Variants in FDFT1 observed in about 807,000 individuals in gnomAD.
The protein encoded by FDFT1 is farnesyl-diphosphate farnesyltransferase 1, also known as squalene synthase.
Under a neutral mutation model 46.8 loss-of-function variants are expected in FDFT1, and 68 were observed. The ratio of observed to expected loss-of-function variants is 1.45; its 90% CI spans 1.19 to 1.78. FDFT1 has a LOEUF of 1.78. FDFT1 is among the 40% of genes most tolerant of loss of function. The probability of loss-of-function intolerance (pLI) is 0.00; values close to 1 mark genes in which losing one functional copy is unlikely to be tolerated. For missense variants in FDFT1, 928 were observed against 524.4 expected (o/e 1.77, Z -7.52); for synonymous variants, 351 against 185.1 (o/e 1.90, Z -7.28).
At chr8:11,823,663 G>A (rs962632016) in intron 4 of FDFT1, among the ~76,000 whole-genome samples, 1 of 152,104 alleles carries the variant, frequency 6.6e-6, no homozygotes, top group African/African-American at 2.4e-5. Context: ...GACCTTCTGG[G>A]CTCAAGCAAT....
intron 7 of FDFT1, among the ~76,000 whole-genome samples, chr8:11,832,515 G>A (rs919667467): frequency 7.9e-6 from 1 of 126,418 alleles, no homozygotes; most frequent in Admixed American, 9.8e-5. Context: ...TTTCATCATT[G>A]CACTCTAGCC....
intron 1 of FDFT1, among the ~76,000 whole-genome samples, chr8:11,805,479 TTAGAC>T (rs766799034): frequency 1.2e-4 from 18 of 152,356 alleles, no homozygotes; most frequent in South Asian, 2.1e-4. Flanking sequence ...ATCCTGTTAT[TTAGAC>T]TAATATCTTA....
intron 5 of FDFT1, among the ~76,000 whole-genome samples, chr8:11,826,823 A>G (rs913169060): frequency 1.3e-5 from 2 of 152,166 alleles, no homozygotes; most frequent in Non-Finnish European, 2.9e-5. Context: ...TCAAAAGAAG[A>G]GGAAGGGCTT....
In FDFT1 at chr8:11,821,837, T is replaced by A; in HGVS notation, c.469T>A (p.Phe157Ile). 1 of 1,612,842 alleles carries A rather than the reference T, an allele frequency of 6.2e-7. No individual in the cohort carries two copies. The highest frequency in any genetic ancestry group is 1.1e-5 in the South Asian group (1 of 91,060). Residue 157 changes from phenylalanine to isoleucine, a missense_variant, in exon 4 of 8, where the codon TTT (phenylalanine) becomes ATT (isoleucine). Phe to Ile is a conservative substitution (Grantham distance 21). Transcript: ENST00000220584. ...CRRMGIGMAEFLDKHVTSEQE... is the reference protein window; with the variant it reads ...CRRMGIGMAEILDKHVTSEQE... ...GAGAATGGGCATTGGGATGGCAGAGTTTTTGGATAAGCATGTGACCTCTGA... is the reference window on the plus strand; with the variant it reads ...GAGAATGGGCATTGGGATGGCAGAGATTTTGGATAAGCATGTGACCTCTGA...
At chr8:11,805,428 G>A (rs1351801419) in intron 1 of FDFT1, among the ~76,000 whole-genome samples, 1 of 152,204 alleles carries the variant, frequency 6.6e-6, no homozygotes, top group African/African-American at 2.4e-5. Context: ...GAAAGAGCAG[G>A]CTGTTAGTAA....
At chr8:11,805,348 C>T (rs1464374214) in intron 1 of FDFT1, among the ~76,000 whole-genome samples, 3 of 152,156 alleles carry the variant, frequency 2.0e-5, no homozygotes, top group Non-Finnish European at 2.9e-5. Flanking sequence ...TTTTTAGGTG[C>T]ATATCAGTAA....
In FDFT1 at chr8:11,838,440, T is replaced by C. The variant is rs1055368069; in HGVS notation, c.1085T>C (p.Ile362Thr). ...SDPSSSKTRQ[I>T]ISTIRTQNLP... ...CCATCTTCTAGCAAAACAAGGCAGATCATCTCCACCATCCGGACGCAGAAT... is the reference window on the plus strand; with the variant it reads ...CCATCTTCTAGCAAAACAAGGCAGACCATCTCCACCATCCGGACGCAGAAT... Residue 362 changes from isoleucine to threonine, a missense_variant, in exon 8 of 8, where the codon ATC (isoleucine) becomes ACC (threonine). Physicochemically the swap from Ile to Thr is moderately conservative, Grantham distance 89 (BLOSUM62 -1). Coordinates refer to ENST00000220584, the MANE Select transcript of FDFT1 (RefSeq NM_004462.5). 10 of 1,611,670 alleles carry C rather than the reference T, an allele frequency of 6.2e-6. No homozygotes were observed. Among genetic ancestry groups the C allele is most frequent in the South Asian group, 1.1e-5 (1 of 90,676 alleles).
chr8:11,834,829 C>T (rs1205316802), intron 7 of FDFT1, among the ~76,000 whole-genome samples: 1 of 152,190 alleles, frequency 6.6e-6, no homozygotes, highest in Non-Finnish European at 1.5e-5. Flanking sequence ...GAGCCTGTGT[C>T]ATTTAATCAT....
At chr8:11,822,620 C>G (rs1024451086) in intron 4 of FDFT1, among the ~76,000 whole-genome samples, 2 of 152,052 alleles carry the variant, frequency 1.3e-5, no homozygotes, top group African/African-American at 2.4e-5. Context: ...TAGACACAAG[C>G]CTAAGCAACA....
intron 3 of FDFT1, among the ~76,000 whole-genome samples, chr8:11,820,661 A>C (rs1005396208): frequency 1.7e-4 from 26 of 152,316 alleles, no homozygotes; most frequent in African/African-American, 5.5e-4. Flanking sequence ...TTCCATGGGC[A>C]TGGGACCCCC....
intron 3 of FDFT1, among the ~76,000 whole-genome samples, chr8:11,817,328 C>G (rs1444542276): frequency 1.3e-5 from 2 of 152,160 alleles, no homozygotes; most frequent in Non-Finnish European, 2.9e-5. Context: ...GCCTAAAATT[C>G]TCTTTTTTTA....
intron 7 of FDFT1, among the ~76,000 whole-genome samples, chr8:11,834,371 C>G (rs1811256895): frequency 6.6e-6 from 1 of 152,206 alleles, no homozygotes; most frequent in African/African-American, 2.4e-5. Flanking sequence ...AATGCTCAGC[C>G]AAACGGCCAG....
At chr8:11,815,030 C>T (rs745953488) in intron 3 of FDFT1, among the ~76,000 whole-genome samples, 2 of 152,164 alleles carry the variant, frequency 1.3e-5, no homozygotes, top group Non-Finnish European at 1.5e-5. Context: ...CCCCCCACCC[C>T]ACAACAGGCC....
upstream of FDFT1, among the ~76,000 whole-genome samples, chr8:11,800,182 A>T (rs1585833134): frequency 7.4e-6 from 1 of 135,050 alleles, no homozygotes; most frequent in East Asian, 2.4e-4. Flanking sequence ...AAGCACTTGA[A>T]CCCAGAAGGC....
chr8:11,797,691 G>T (rs954651982), upstream of FDFT1, among the ~76,000 whole-genome samples: 1 of 151,372 alleles, frequency 6.6e-6, no homozygotes, highest in African/African-American at 2.4e-5. Flanking sequence ...TGGGGGAGGG[G>T]AACAGATAAA....
intron 5 of FDFT1, among the ~76,000 whole-genome samples, chr8:11,826,522 G>A (rs1171607032): frequency 1.3e-5 from 2 of 152,148 alleles, no homozygotes; most frequent in African/African-American, 4.8e-5. Context: ...TCTTAGGAAT[G>A]GCTTTGTTCG....
chr8:11,799,943 T>TA (rs57010317), upstream of FDFT1, among the ~76,000 whole-genome samples: 18,973 of 130,846 alleles, frequency 0.15, 1,464 homozygotes, highest in Middle Eastern at 0.19. Flanking sequence ...AGACTCCATT[T>TA]AAAAAAAAAA....
At chr8:11,830,899 A>G (rs528343061) in intron 6 of FDFT1, among the ~76,000 whole-genome samples, 1 of 152,358 alleles carries the variant, frequency 6.6e-6, no homozygotes, top group South Asian at 2.1e-4. Context: ...AGTATTGCAG[A>G]TACTACTGCA....
At position 11,838,546 on chromosome 8, in the gene FDFT1, C is replaced by CT; in HGVS notation, c.1192dup (p.Trp398LeufsTer55). On this transcript the variant is annotated frameshift_variant, in exon 8 of 8. Coordinates refer to ENST00000220584, the MANE Select transcript of FDFT1 (RefSeq NM_004462.5). LOFTEE classifies it high-confidence loss of function. ...TTGTCATGCTTTTGGCTGCCCTGAG[C>CT]TGGCAGTACCTGACCACTCTCTCCC... The CT allele has an allele frequency of 6.2e-7, 1 of 1,612,164 alleles. No individual in the cohort carries two copies. The highest frequency in any genetic ancestry group is 8.5e-7 in the Non-Finnish European group (1 of 1,179,262).
Sources: allele counts gnomAD v4.1 joint callset (sites outside exome capture counted in the v4.1 genomes callset), GRCh38; gene constraint gnomAD v4.1.1; transcripts MANE v1.5; gene names NCBI Gene and HGNC (gene_info 2026-07-23, HGNC 2026-07-21).